Variants in RAD51B observed in about 807,000 individuals in gnomAD.
RAD51B encodes the protein DNA repair protein RAD51 homolog 2.
Under a neutral mutation model 42.2 loss-of-function variants are expected in RAD51B, and 38 were observed. The observed-to-expected ratio is 0.90, with a 90% confidence interval of 0.70 to 1.18. The LOEUF (loss-of-function observed/expected upper bound fraction) is 1.18. Ranked by LOEUF, RAD51B falls within the 50% of genes most tolerant of loss-of-function variation. RAD51B has a pLI of 0.00. For missense variants in RAD51B, 373 were observed against 400.7 expected (o/e 0.93, Z 0.59); for synonymous variants, 154 against 145.2 (o/e 1.06, Z -0.43).
At position 68,099,845 on chromosome 14, in the gene RAD51B, A is replaced by T. The variant is rs141154618; in HGVS notation, c.757-192039A>T. ...TGCCTGTATTGAGAAAGCCCAGTCG[A>T]GCAGAAGAGTTTTTGGTTTCTGCAT... On this transcript the variant is annotated intron_variant, in intron 7 of 10. Coordinates refer to ENST00000471583, the MANE Select transcript of RAD51B (RefSeq NM_133510.4). 3.7e-3 allele frequency among the ~76,000 whole-genome samples: 565 copies of T among 152,296 alleles called. 6 individuals are homozygous for T. Among genetic ancestry groups the T allele is most frequent in the African/African-American group, 0.013 (544 of 41,566 alleles).
intron 8 of RAD51B, among the ~76,000 whole-genome samples, chr14:68,393,379 T>C (rs114653111): frequency 1.1e-4 from 17 of 152,312 alleles, no homozygotes; most frequent in East Asian, 3.9e-4. Context: ...GGAGTTTCAA[T>C]TGGGATGTCA....
At chr14:68,201,444 A>C (rs767608632) in intron 7 of RAD51B, among the ~76,000 whole-genome samples, 111 of 152,216 alleles carry the variant, frequency 7.3e-4, no homozygotes, top group Non-Finnish European at 1.4e-3. Flanking sequence ...AGCTAATCCA[A>C]TCAACTTGTG....
At chr14:68,416,070 G>C (rs1426614332) in intron 9 of RAD51B, among the ~76,000 whole-genome samples, 2 of 152,178 alleles carry the variant, frequency 1.3e-5, no homozygotes, top group African/African-American at 4.8e-5. Context: ...GGGCGAGCCT[G>C]AAGTACCTAG....
chr14:68,329,191 A>G (rs750407797), intron 8 of RAD51B, among the ~76,000 whole-genome samples: 2 of 152,084 alleles, frequency 1.3e-5, no homozygotes, highest in Non-Finnish European at 2.9e-5. Flanking sequence ...TATTTTTTGT[A>G]GAGATGGGGT....
At chr14:68,391,134 T>TTTTTC (rs1388376049) in intron 8 of RAD51B, among the ~76,000 whole-genome samples, 4 of 109,080 alleles carry the variant, frequency 3.7e-5, no homozygotes, top group Non-Finnish European at 5.7e-5. Context: ...TTTATGAGAC[T>TTTTTC]TGTCTTTCTT....
chr14:68,669,305 A>G (rs138035994), intron 11 of RAD51B, among the ~76,000 whole-genome samples: 1 of 152,220 alleles, frequency 6.6e-6, no homozygotes, highest in Non-Finnish European at 1.5e-5. Context: ...AGGCCCCCTG[A>G]GGCACCTAGA....
intron 8 of RAD51B, among the ~76,000 whole-genome samples, chr14:68,331,006 A>G (rs2082335865): frequency 6.6e-6 from 1 of 152,168 alleles, no homozygotes; most frequent in South Asian, 2.1e-4. Context: ...AGAAAACTAT[A>G]TTTTACTTTT....
chr14:68,370,057 C>G (rs1363104329), intron 8 of RAD51B, among the ~76,000 whole-genome samples: 1 of 152,146 alleles, frequency 6.6e-6, no homozygotes, highest in African/African-American at 2.4e-5. Context: ...AACCTATTAA[C>G]CCATTTATGC....
chr14:68,077,126 C>T (rs1237901368), intron 7 of RAD51B, among the ~76,000 whole-genome samples: 1 of 152,162 alleles, frequency 6.6e-6, no homozygotes, highest in Non-Finnish European at 1.5e-5. Flanking sequence ...GCTTTTTTCT[C>T]TGGATGGTGG....
Position 68,493,959 on chromosome 14 carries a change from C to G in RAD51B, c.1036+25709C>G, listed in dbSNP as rs181872234. On this transcript the variant is annotated intron_variant, in intron 10 of 10. Transcript: ENST00000487270. Reference sequence around the variant, plus strand: ...TCAAAGGCTCCAGGTTGGAGGAGCTCGAGGTTCAGCTGAGTGTCAGAAATG... The same window carrying G: ...TCAAAGGCTCCAGGTTGGAGGAGCTGGAGGTTCAGCTGAGTGTCAGAAATG... Among the ~76,000 whole-genome samples the G allele has an allele frequency of 3.5e-3, 536 of 152,178 alleles. 3 individuals are homozygous for G. In the Middle Eastern group the frequency reaches 0.037, roughly 11 times the overall value.
intron 7 of RAD51B, among the ~76,000 whole-genome samples, chr14:68,079,409 A>G (rs1023248836): frequency 2.6e-5 from 4 of 152,344 alleles, no homozygotes; most frequent in East Asian, 1.9e-4. Context: ...TTTTAAAAAT[A>G]TACATCAATC....
At chr14:68,580,985 A>G (rs1291000) in intron 10 of RAD51B, among the ~76,000 whole-genome samples, 5,909 of 152,200 alleles carry the variant, frequency 0.039, 149 homozygotes, top group African/African-American at 0.076. Context: ...CTCCTGTGAG[A>G]TTCAGTTTTT....
At chr14:68,609,216 G>T (rs1370848534) in intron 10 of RAD51B, among the ~76,000 whole-genome samples, 1 of 152,172 alleles carries the variant, frequency 6.6e-6, no homozygotes, top group African/African-American at 2.4e-5. Context: ...GCCATCCACT[G>T]CATTCACTCC....
In RAD51B at chr14:67,951,793, A is replaced by T. The variant is rs535346676; in HGVS notation, c.756+64589A>T. ...TGCAAAGTTGTTAAAGTTAACCTTG[A>T]AGAAACCTCCTATGGCTTAGTGTTT... On this transcript the variant is annotated intron_variant, in intron 7 of 10. Transcript: ENST00000471583. Among the ~76,000 whole-genome samples, 4 of 152,322 alleles carry T rather than the reference A, an allele frequency of 2.6e-5. No homozygotes were observed. The East Asian group carries it at 7.7e-4, about 29-fold the overall frequency.
intron 7 of RAD51B, among the ~76,000 whole-genome samples, chr14:68,090,686 T>C (rs1177832353): frequency 6.7e-6 from 1 of 150,094 alleles, no homozygotes; most frequent in East Asian, 1.9e-4. Flanking sequence ...TTATTTATTT[T>C]ATTTATTTAT....
intron 7 of RAD51B, among the ~76,000 whole-genome samples, chr14:68,285,878 C>T (rs2081405322): frequency 6.6e-6 from 1 of 152,150 alleles, no homozygotes; most frequent in Admixed American, 6.5e-5. Context: ...CCACTGAAAA[C>T]CACCAAAAAT....
At chr14:68,124,145 C>T (rs1366807463) in intron 7 of RAD51B, among the ~76,000 whole-genome samples, 1 of 152,098 alleles carries the variant, frequency 6.6e-6, no homozygotes, top group Non-Finnish European at 1.5e-5. Flanking sequence ...ATAATAAGCA[C>T]ATATGAAGAT....
At chr14:68,511,754 C>T (rs1885744038) in intron 10 of RAD51B, among the ~76,000 whole-genome samples, 1 of 152,128 alleles carries the variant, frequency 6.6e-6, no homozygotes, top group Admixed American at 6.5e-5. Flanking sequence ...TTTCATTTTA[C>T]AGATAGGGAA....
intron 10 of RAD51B, among the ~76,000 whole-genome samples, chr14:68,523,326 C>G (rs995443896): frequency 6.6e-6 from 1 of 152,140 alleles, no homozygotes; most frequent in South Asian, 2.1e-4. Context: ...TGCCACAAGG[C>G]GCAGAGTGGA....
Sources: gnomAD v4.1 joint callset for allele counts (sites outside exome capture counted in the v4.1 genomes callset) on GRCh38, gnomAD v4.1.1 for gene constraint, MANE v1.5 for transcripts, NCBI Gene and HGNC (gene_info 2026-07-23, HGNC 2026-07-21) for gene names.